Variants in IFT88 observed in about 807,000 individuals in gnomAD.
IFT88 encodes intraflagellar transport protein 88 homolog.
IFT88 carries 74 observed loss-of-function variants against 119.5 expected under a neutral mutation model. The observed-to-expected ratio is 0.62, with a 90% CI of 0.51 to 0.75. The LOEUF (loss-of-function observed/expected upper bound fraction) is 0.75. Among genes scored for constraint, IFT88 ranks in the 30% least tolerant of loss-of-function variants. The pLI is 0.00. For synonymous variants in IFT88, 279 were observed against 316.7 expected (o/e 0.88, Z 1.26); for missense variants, 961 against 977.7 (o/e 0.98, Z 0.23).
chr13:20,594,638 A>G (rs531780828), intron 7 of IFT88, among the ~76,000 whole-genome samples: 1 of 152,302 alleles, frequency 6.6e-6, no homozygotes, highest in African/African-American at 2.4e-5. Context: ...GATATTTTGA[A>G]TTTAATAATA....
At chr13:20,626,185 C>G (rs971420187) in intron 15 of IFT88, among the ~76,000 whole-genome samples, 1 of 149,744 alleles carries the variant, frequency 6.7e-6, no homozygotes, top group Non-Finnish European at 1.5e-5. Context: ...CTCAGCCTCC[C>G]GAGTAGCTGG....
intron 9 of IFT88, among the ~76,000 whole-genome samples, chr13:20,597,954 G>GA (rs1259858521): frequency 1.3e-5 from 2 of 150,984 alleles, no homozygotes; most frequent in African/African-American, 2.4e-5. Context: ...GGGTAGTGGG[G>GA]AAAAAAAACT....
intron 8 of IFT88, 69 bp downstream of exon 8, chr13:20,596,309 C>A: frequency 5.3e-6 from 3 of 569,536 alleles, no homozygotes; most frequent in Non-Finnish European, 6.1e-6. Flanking sequence ...ATACATACAC[C>A]GTATGTATAG....
rs370105354 is a variant in IFT88, at chr13:20,638,538, A to G, written c.1573+20A>G. ...ATATTGGTAAGTGAAACAAGGGGAA[A>G]TTGCTTTTTAAATTATTTATTTGCT... On this transcript the variant is annotated intron_variant, in intron 17 of 25. Transcript: ENST00000351808. 1.9e-5 allele frequency: 26 copies of G among 1,366,050 alleles called. No individual in the cohort carries two copies. Among genetic ancestry groups the G allele is most frequent in the African/African-American group, 6.0e-5 (4 of 66,572 alleles). The allele number at this position is 1,366,050 out of a possible 1,614,324, so 84.6% of individuals were successfully genotyped here. A position where few individuals can be genotyped will look rare whatever the true frequency, so the allele number is the denominator to read the frequency against.
At chr13:20,570,142 CA>C (rs1384261945) in intron 1 of IFT88, among the ~76,000 whole-genome samples, 1 of 152,022 alleles carries the variant, frequency 6.6e-6, no homozygotes, top group Non-Finnish European at 1.5e-5. Flanking sequence ...CATTAGTCAT[CA>C]GGGGAATGCA....
chr13:20,640,819 GGA>G (rs1435136921), intron 17 of IFT88, among the ~76,000 whole-genome samples: 2 of 151,826 alleles, frequency 1.3e-5, no homozygotes, highest in Non-Finnish European at 2.9e-5. Flanking sequence ...GTCTGCCAGT[GGA>G]GAATCCCCAC....
chr13:20,676,383 A>G (rs1246732405), intron 24 of IFT88, among the ~76,000 whole-genome samples: 2 of 152,234 alleles, frequency 1.3e-5, no homozygotes, highest in Non-Finnish European at 2.9e-5. Flanking sequence ...CTCTTAGAGA[A>G]ACTCCTGATA....
intron 24 of IFT88, among the ~76,000 whole-genome samples, chr13:20,687,210 G>C (rs1009839428): frequency 2.6e-5 from 4 of 152,100 alleles, no homozygotes; most frequent in Non-Finnish European, 4.4e-5. Context: ...AGGCAAGGAG[G>C]GGGTCAGGTT....
At chr13:20,581,442 C>G (rs1186146678) in intron 2 of IFT88, among the ~76,000 whole-genome samples, 1 of 151,968 alleles carries the variant, frequency 6.6e-6, no homozygotes, top group Non-Finnish European at 1.5e-5. Context: ...ACCCAAAGAT[C>G]TGCTAAAGTA....
chr13:20,615,334 C>T (rs1027206517), intron 13 of IFT88, among the ~76,000 whole-genome samples: 9 of 152,112 alleles, frequency 5.9e-5, no homozygotes, highest in African/African-American at 9.7e-5. Context: ...TATATATGTA[C>T]GTACGTGTAC....
intron 1 of IFT88, chr13:20,567,614 A>G (rs910603701): frequency 1.1e-5 from 5 of 441,878 alleles, no homozygotes; most frequent in Non-Finnish European, 1.2e-5. Context: ...TTACTGCGCC[A>G]GCTCTGGAAT....
intron 16 of IFT88, among the ~76,000 whole-genome samples, chr13:20,637,014 ATAT>A (rs770919004): frequency 6.6e-5 from 10 of 152,228 alleles, no homozygotes; most frequent in Non-Finnish European, 1.2e-4. Flanking sequence ...AACCTTAAAA[ATAT>A]TATGCTAAGT....
At chr13:20,636,529 G>C (rs1271380549) in intron 16 of IFT88, among the ~76,000 whole-genome samples, 1 of 152,100 alleles carries the variant, frequency 6.6e-6, no homozygotes, top group African/African-American at 2.4e-5. Flanking sequence ...AATCCCCTTG[G>C]CCACATGTTG....
At chr13:20,668,920 A>C (rs2055265770) in intron 23 of IFT88, among the ~76,000 whole-genome samples, 1 of 152,212 alleles carries the variant, frequency 6.6e-6, no homozygotes, top group African/African-American at 2.4e-5. Flanking sequence ...GTCTACGAGA[A>C]GTGAGATGGC....
chr13:20,662,262 CA>C (rs1332343272), intron 22 of IFT88, among the ~76,000 whole-genome samples: 1 of 151,226 alleles, frequency 6.6e-6, no homozygotes, highest in Non-Finnish European at 1.5e-5. Flanking sequence ...GACTAAAAAA[CA>C]GAAAGGAATA....
intron 3 of IFT88, among the ~76,000 whole-genome samples, 181 bp from the exon 4 acceptor site, chr13:20,589,630 T>TCC (rs1162427605): frequency 6.6e-6 from 1 of 152,142 alleles, no homozygotes; most frequent in African/African-American, 2.4e-5. Flanking sequence ...AGAATGAGTC[T>TCC]CCTTCTCACA....
chr13:20,591,138 G>A, intron 5 of IFT88, 118 bp downstream of exon 5: 1 of 692,922 alleles, frequency 1.4e-6, no homozygotes, highest in East Asian at 2.9e-5. Context: ...TACTTATATA[G>A]TGACCCAGAT....
chr13:20,670,974 G>A lies in IFT88; in HGVS notation c.2177G>A (p.Arg726His), dbSNP rs78898843. The change falls in exon 24 of 26, where the codon CGC becomes CAC. Residue 726 changes from arginine (R) to histidine (H), a missense_variant and splice_region_variant. Arg to His is a conservative substitution (Grantham distance 29). Coordinates refer to ENST00000351808, the MANE Select transcript of IFT88 (RefSeq NM_006531.5). ...LEKMKEIREQ[R>H]IKSGRDGSGG... ...AAACTTGTCTTCTCTTTGCTCTAGC[G>A]CATAAAGTCAGGCAGAGATGGCAGT... The A allele has an allele frequency of 3.0e-5, 49 of 1,613,004 alleles. No individual in the cohort carries two copies. Among genetic ancestry groups the A allele is most frequent in the East Asian group, 6.7e-5 (3 of 44,864 alleles).
intron 13 of IFT88, among the ~76,000 whole-genome samples, chr13:20,606,867 C>T (rs1237903243): frequency 1.3e-5 from 2 of 152,002 alleles, no homozygotes; most frequent in African/African-American, 4.8e-5. Flanking sequence ...GGTGACAGAG[C>T]AGGACTCCAT....
Sources: gnomAD v4.1 joint callset for allele counts (sites outside exome capture counted in the v4.1 genomes callset) on GRCh38, gnomAD v4.1.1 for gene constraint, MANE v1.5 for transcripts, NCBI Gene and HGNC (gene_info 2026-07-23, HGNC 2026-07-21) for gene names.